CACNA2D3: variants seen among roughly 807,000 people sequenced by gnomAD.
CACNA2D3 encodes calcium voltage-gated channel auxiliary subunit alpha2delta 3.
CACNA2D3 carries 60 observed loss-of-function variants against 160.6 expected under a neutral mutation model. The observed-to-expected ratio is 0.37, with a 90% confidence interval of 0.30 to 0.46. The LOEUF is 0.46. CACNA2D3 is among the 20% of genes least tolerant of loss of function. The probability of loss-of-function intolerance (pLI) is 1.00; values close to 1 mark genes in which losing one functional copy is unlikely to be tolerated. For missense variants in CACNA2D3, 1,205 were observed against 1,365.0 expected, an observed-to-expected ratio of 0.88 and a Z score of 1.85; for synonymous variants, 558 against 492.9, an observed-to-expected ratio of 1.13 and a Z score of -1.75.
chr3:54,896,440 C>T (rs1024504909), intron 25 of CACNA2D3, among the ~76,000 whole-genome samples: 2 of 152,218 alleles, frequency 1.3e-5, no homozygotes, highest in East Asian at 3.9e-4. Context: ...AGGGGACATC[C>T]TTGGGTTTTC....
chr3:54,727,437 G>A (rs896764746), intron 11 of CACNA2D3, among the ~76,000 whole-genome samples: 1 of 152,136 alleles, frequency 6.6e-6, no homozygotes, highest in South Asian at 2.1e-4. Context: ...AAATCATTCT[G>A]CTATAAAGAC....
chr3:54,902,488 C>T (rs1700357896), intron 27 of CACNA2D3, among the ~76,000 whole-genome samples: 1 of 152,156 alleles, frequency 6.6e-6, no homozygotes. Context: ...TATGACATTG[C>T]TTACAGTCCT....
intron 13 of CACNA2D3, among the ~76,000 whole-genome samples, chr3:54,802,743 C>A (rs910173877): frequency 6.6e-6 from 1 of 152,134 alleles, no homozygotes; most frequent in African/African-American, 2.4e-5. Flanking sequence ...TGAGAATGGG[C>A]AGACTGCCTC....
At chr3:54,903,294 A>C (rs1325938099) in intron 27 of CACNA2D3, among the ~76,000 whole-genome samples, 3 of 152,180 alleles carry the variant, frequency 2.0e-5, no homozygotes, top group Non-Finnish European at 4.4e-5. Context: ...CGTATAAGTG[A>C]GAACATGCGG....
chr3:54,232,528 C>T (rs1341185903), intron 2 of CACNA2D3, among the ~76,000 whole-genome samples: 2 of 152,148 alleles, frequency 1.3e-5, no homozygotes, highest in African/African-American at 2.4e-5. Context: ...ACGTTACAAG[C>T]GGTGACTTGC....
At chr3:54,729,327 C>G (rs892821441) in intron 11 of CACNA2D3, among the ~76,000 whole-genome samples, 1 of 152,202 alleles carries the variant, frequency 6.6e-6, no homozygotes, top group African/African-American at 2.4e-5. Flanking sequence ...GTGGCACCTT[C>G]AAGCCCTCAT....
chr3:54,469,705 A>G (rs1364577255), intron 4 of CACNA2D3, among the ~76,000 whole-genome samples: 2 of 152,110 alleles, frequency 1.3e-5, no homozygotes, highest in Non-Finnish European at 2.9e-5. Flanking sequence ...GGAATTGCTA[A>G]CTAGACTAAC....
chr3:55,067,503 CTT>C (rs1199901361), intron 35 of CACNA2D3, among the ~76,000 whole-genome samples: 2 of 152,164 alleles, frequency 1.3e-5, no homozygotes, highest in Non-Finnish European at 2.9e-5. Flanking sequence ...TCAGTTTTCT[CTT>C]TTGTAAAATG....
intron 27 of CACNA2D3, chr3:54,918,979 G>A (rs1700752819): frequency 3.6e-6 from 4 of 1,105,496 alleles, no homozygotes; most frequent in South Asian, 2.7e-5. Flanking sequence ...TTAGGCAGAT[G>A]GAATTTATGA....
intron 13 of CACNA2D3, among the ~76,000 whole-genome samples, chr3:54,779,111 T>A (rs962252329): frequency 1.3e-4 from 20 of 152,300 alleles, no homozygotes; most frequent in Middle Eastern, 3.4e-3. Context: ...AGGGCTTTTT[T>A]TTTTGAGACA....
intron 2 of CACNA2D3, among the ~76,000 whole-genome samples, chr3:54,239,651 C>A (rs1460756714): frequency 1.3e-5 from 2 of 152,198 alleles, no homozygotes; most frequent in Admixed American, 1.3e-4. Context: ...GGTTCAGAAT[C>A]ATCACTTCAC....
intron 17 of CACNA2D3, among the ~76,000 whole-genome samples, chr3:54,863,917 G>C (rs1699347345): frequency 6.6e-6 from 1 of 152,074 alleles, no homozygotes; most frequent in South Asian, 2.1e-4. Flanking sequence ...CCTTCCTGCT[G>C]GTTTTTGACA....
rs1699155510 is a variant in CACNA2D3, at chr3:54,627,780, GT to G, written c.964-4del. Reference sequence around the variant, plus strand: ...ACACTAATGGATTTTCTGCTTTGCTGTTTCAGCACTTCAGGGAGCATCTGGA... The same window carrying G: ...ACACTAATGGATTTTCTGCTTTGCTGTTCAGCACTTCAGGGAGCATCTGGA... On this transcript the variant is annotated splice_region_variant and splice_polypyrimidine_tract_variant and intron_variant, in intron 9 of 37. Coordinates refer to ENST00000474759, the MANE Select transcript of CACNA2D3 (RefSeq NM_018398.3). The G allele has an allele frequency of 6.2e-7, 1 of 1,601,432 alleles. No individual in the cohort carries two copies. The highest frequency in any genetic ancestry group is 2.2e-5 in the East Asian group (1 of 44,754).
intron 23 of CACNA2D3, among the ~76,000 whole-genome samples, chr3:54,887,170 A>G (rs1327184960): frequency 1.3e-5 from 2 of 152,142 alleles, no homozygotes; most frequent in African/African-American, 4.8e-5. Flanking sequence ...TCATGCCTGT[A>G]ATCCCAGCAC....
intron 13 of CACNA2D3, chr3:54,789,788 A>C (rs1245080870): frequency 2.0e-6 from 1 of 494,684 alleles, no homozygotes; most frequent in African/African-American, 1.9e-5. Flanking sequence ...GGCAGTGTTC[A>C]CTGAGGCCAG....
chr3:54,288,320 T>C (rs1219799906), intron 2 of CACNA2D3, among the ~76,000 whole-genome samples: 1 of 152,080 alleles, frequency 6.6e-6, no homozygotes, highest in Non-Finnish European at 1.5e-5. Flanking sequence ...CTAGAAAATC[T>C]AGAAGAAATG....
intron 11 of CACNA2D3, among the ~76,000 whole-genome samples, chr3:54,657,848 G>A (rs1006021310): frequency 6.6e-6 from 1 of 152,040 alleles, no homozygotes; most frequent in East Asian, 1.9e-4. Context: ...AGCCAACATG[G>A]TGAAACCCCG....
intron 4 of CACNA2D3, among the ~76,000 whole-genome samples, chr3:54,498,868 A>C (rs1701244612): frequency 6.6e-6 from 1 of 152,034 alleles, no homozygotes; most frequent in African/African-American, 2.4e-5. Flanking sequence ...TTTAATATCC[A>C]AATCTTTAGT....
chr3:54,303,463 A>T (rs1703525286), intron 2 of CACNA2D3, among the ~76,000 whole-genome samples: 1 of 152,204 alleles, frequency 6.6e-6, no homozygotes, highest in South Asian at 2.1e-4. Context: ...GAGTGCATAT[A>T]TCAAGTCTCT....
Sources: gnomAD v4.1 joint callset for allele counts (sites outside exome capture counted in the v4.1 genomes callset) on GRCh38, gnomAD v4.1.1 for gene constraint, MANE v1.5 for transcripts, NCBI Gene and HGNC (gene_info 2026-07-23, HGNC 2026-07-21) for gene names.